Variants in SH3BGRL2 observed in about 807,000 individuals in gnomAD.
SH3BGRL2 encodes the protein SH3 domain-binding glutamic acid-rich-like protein 2.
Under a neutral mutation model 14.8 loss-of-function variants are expected in SH3BGRL2, and 21 were observed. The observed-to-expected ratio is 1.42, with a 90% CI of 1.01 to 2.05. The LOEUF (loss-of-function observed/expected upper bound fraction) is 2.05, where lower values mean the gene tolerates loss of function less well. Among genes scored for constraint, SH3BGRL2 ranks in the 30% most tolerant of loss-of-function variants. The pLI is 0.00. For synonymous variants in SH3BGRL2, 50 were observed against 47.8 expected, an observed-to-expected ratio of 1.05 and a Z score of -0.19; for missense variants, 147 against 130.8, an observed-to-expected ratio of 1.12 and a Z score of -0.61.
chr6:79,560,459 T>G, the SH3BGRL2 span, among the ~76,000 whole-genome samples: 1 of 152,154 alleles, frequency 6.6e-6, no homozygotes. Flanking sequence ...GAGTATCCCT[T>G]GAGCTCAGGA....
At chr6:79,685,683 G>A (rs1487120732) in intron 2 of SH3BGRL2, among the ~76,000 whole-genome samples, 2 of 151,680 alleles carry the variant, frequency 1.3e-5, no homozygotes, top group Non-Finnish European at 1.5e-5. Context: ...TATATTATAT[G>A]TATATTGTTA....
At chr6:79,581,196 AT>A in the SH3BGRL2 span, among the ~76,000 whole-genome samples, 2 of 152,226 alleles carry the variant, frequency 1.3e-5, no homozygotes, top group Non-Finnish European at 2.9e-5. Context: ...TCACAGCCGA[AT>A]TCTACCAGAG....
chr6:79,672,420 T>C (rs1379157071), intron 1 of SH3BGRL2, among the ~76,000 whole-genome samples: 1 of 151,342 alleles, frequency 6.6e-6, no homozygotes, highest in Non-Finnish European at 1.5e-5. Flanking sequence ...TTTTTCTCCA[T>C]TTTTTTTTAA....
At chr6:79,550,438 T>C in the SH3BGRL2 span, among the ~76,000 whole-genome samples, 1 of 152,172 alleles carries the variant, frequency 6.6e-6, no homozygotes, top group Non-Finnish European at 1.5e-5. Context: ...TAGGTAGATA[T>C]ATCTGTATAA....
the SH3BGRL2 span, among the ~76,000 whole-genome samples, chr6:79,597,310 AAAG>A: frequency 2.0e-5 from 3 of 147,226 alleles, no homozygotes; most frequent in African/African-American, 2.5e-5. Flanking sequence ...GAGAGAAAAG[AAAG>A]AAAGAGAAAA....
chr6:79,625,571 C>G, the SH3BGRL2 span, among the ~76,000 whole-genome samples: 2 of 152,112 alleles, frequency 1.3e-5, no homozygotes, highest in Non-Finnish European at 2.9e-5. Flanking sequence ...GAGGCTTATA[C>G]AAAACCAGAT....
the SH3BGRL2 span, among the ~76,000 whole-genome samples, chr6:79,577,781 G>A: frequency 6.6e-6 from 1 of 152,214 alleles, no homozygotes; most frequent in African/African-American, 2.4e-5. Flanking sequence ...TGGACAGTGG[G>A]TGTAGCCCAC....
At chr6:79,697,389 A>C (rs1489972077) in intron 3 of SH3BGRL2, among the ~76,000 whole-genome samples, 1 of 152,144 alleles carries the variant, frequency 6.6e-6, no homozygotes, top group Non-Finnish European at 1.5e-5. Flanking sequence ...TTTCAAATTG[A>C]GACTGAATTC....
At chr6:79,619,858 G>A in the SH3BGRL2 span, among the ~76,000 whole-genome samples, 2 of 152,030 alleles carry the variant, frequency 1.3e-5, no homozygotes, top group Non-Finnish European at 2.9e-5. Flanking sequence ...TAATTTAAAG[G>A]CAATTTTAAA....
At chr6:79,580,263 A>T in the SH3BGRL2 span, among the ~76,000 whole-genome samples, 2 of 152,190 alleles carry the variant, frequency 1.3e-5, no homozygotes, top group African/African-American at 4.8e-5. Flanking sequence ...GATATCCAGG[A>T]CCTGAACTCA....
At chr6:79,653,043 T>A (rs1460609992) in intron 1 of SH3BGRL2, among the ~76,000 whole-genome samples, 3 of 152,162 alleles carry the variant, frequency 2.0e-5, no homozygotes, top group African/African-American at 7.2e-5. Context: ...ACAACTATTA[T>A]AACTGAAACA....
At chr6:79,540,120 T>C in the SH3BGRL2 span, among the ~76,000 whole-genome samples, 1 of 151,978 alleles carries the variant, frequency 6.6e-6, no homozygotes, top group African/African-American at 2.4e-5. Flanking sequence ...ATCGAATGGA[T>C]TGGTTGAGTT....
intron 1 of SH3BGRL2, 87 bp downstream of exon 1, chr6:79,631,593 T>C (rs1768826119): frequency 9.4e-7 from 1 of 1,062,902 alleles, no homozygotes; most frequent in Non-Finnish European, 1.2e-6. Context: ...TGCGCGTCCT[T>C]GCGCTCAGCC....
chr6:79,643,600 A>G (rs991575154), intron 1 of SH3BGRL2, among the ~76,000 whole-genome samples: 4 of 152,260 alleles, frequency 2.6e-5, no homozygotes, highest in African/African-American at 9.6e-5. Flanking sequence ...TCACATGTGC[A>G]GGCAGTACTA....
chr6:79,691,227 T>C (rs1227045824), intron 2 of SH3BGRL2, among the ~76,000 whole-genome samples: 1 of 152,172 alleles, frequency 6.6e-6, no homozygotes, highest in Non-Finnish European at 1.5e-5. Context: ...GCCTTTCATA[T>C]TACATTAAGG....
the SH3BGRL2 span, among the ~76,000 whole-genome samples, chr6:79,556,256 G>T: frequency 6.6e-6 from 1 of 152,138 alleles, no homozygotes; most frequent in South Asian, 2.1e-4. Flanking sequence ...TAAAAGACAA[G>T]AAACTGAGGA....
the SH3BGRL2 span, among the ~76,000 whole-genome samples, chr6:79,544,536 A>G: frequency 6.6e-6 from 1 of 152,248 alleles, no homozygotes. Flanking sequence ...AGCAAATGCT[A>G]CAAATCATAG....
At chr6:79,594,832 T>C in the SH3BGRL2 span, among the ~76,000 whole-genome samples, 1 of 152,106 alleles carries the variant, frequency 6.6e-6, no homozygotes, top group East Asian at 1.9e-4. Context: ...AAAAATTAAG[T>C]TCAGATTAAG....
the SH3BGRL2 span, among the ~76,000 whole-genome samples, chr6:79,558,051 A>G: frequency 6.6e-6 from 1 of 152,284 alleles, no homozygotes; most frequent in Admixed American, 6.5e-5. Context: ...AGAATCTCCT[A>G]AAAGAGAAAA....
Sources: gnomAD v4.1 joint callset for allele counts (sites outside exome capture counted in the v4.1 genomes callset) on GRCh38, gnomAD v4.1.1 for gene constraint, MANE v1.5 for transcripts, NCBI Gene and HGNC (gene_info 2026-07-23, HGNC 2026-07-21) for gene names.